KARS1: variants seen among roughly 807,000 people sequenced by gnomAD.
KARS1 encodes the protein lysyl-tRNA synthetase 1, also known as lysine--tRNA ligase.
KARS1 carries 50 observed loss-of-function variants against 63.9 expected under a neutral mutation model. That is an observed-to-expected ratio of 0.78 (90% confidence interval 0.62 to 0.99). The LOEUF (loss-of-function observed/expected upper bound fraction) is 0.99. Ranked by LOEUF, KARS1 falls within the 50% of genes least tolerant of loss-of-function variation. The pLI is 0.00. For missense variants in KARS1, 816 were observed against 754.5 expected (o/e 1.08, Z -0.95); for synonymous variants, 320 against 264.6 (o/e 1.21, Z -2.03).
At chr16:75,642,519 A>G (rs1283491935) in intron 1 of KARS1, among the ~76,000 whole-genome samples, 1 of 152,048 alleles carries the variant, frequency 6.6e-6, no homozygotes, top group Non-Finnish European at 1.5e-5. Flanking sequence ...GATCTAATAC[A>G]TGATAAGGCA....
chr16:75,643,588 C>T (rs889863009), intron 1 of KARS1, among the ~76,000 whole-genome samples: 3 of 152,214 alleles, frequency 2.0e-5, no homozygotes, highest in Admixed American at 2.0e-4. Flanking sequence ...ACCGTGTTAG[C>T]CAGGATGGTC....
At chr16:75,630,310 TCAA>T (rs2082097583) in intron 11 of KARS1, 110 bp downstream of exon 11, 3 of 729,660 alleles carry the variant, frequency 4.1e-6, no homozygotes, top group Admixed American at 2.0e-5. Context: ...GTTACCCTGG[TCAA>T]CACCACCCAG....
intron 3 of KARS1, among the ~76,000 whole-genome samples, chr16:75,638,884 T>C (rs1007800725): frequency 6.6e-6 from 1 of 152,152 alleles, no homozygotes; most frequent in African/African-American, 2.4e-5. Flanking sequence ...ATAAAAAAGA[T>C]CTGCTGGGAG....
At chr16:75,642,492 T>A (rs192798806) in intron 1 of KARS1, among the ~76,000 whole-genome samples, 1 of 152,162 alleles carries the variant, frequency 6.6e-6, no homozygotes, top group East Asian at 1.9e-4. Context: ...GTGAGCCACC[T>A]GACCCCTCCA....
rs370077957 is a variant in KARS1 at position 75,640,354 on chromosome 16, T to TAA, written c.223-7_223-6dup. The TAA allele has an allele frequency of 1.6e-3, 2,408 of 1,532,738 alleles. 1 individual carries two copies. The highest frequency in any genetic ancestry group is 0.01 in the East Asian group (434 of 41,914). The allele number at this position is 1,532,738 out of a possible 1,614,324, so 94.9% of individuals were successfully genotyped here. A position where few individuals can be genotyped will look rare whatever the true frequency, so the allele number is the denominator to read the frequency against. ...ACTGCGGATTTTGTAGTATTGCTGT[T>TAA]AAAAAAAAAAAAAAAAAAGCCCTTC... On this transcript the variant is annotated splice_polypyrimidine_tract_variant and splice_region_variant and intron_variant, in intron 2 of 13. Coordinates refer to ENST00000302445, the MANE Select transcript of KARS1 (RefSeq NM_005548.3).
chr16:75,644,596 A>T lies in KARS1; in HGVS notation c.63-2873T>A, dbSNP rs1019984727. On this transcript the variant is annotated intron_variant, in intron 1 of 13. Coordinates refer to ENST00000302445, the MANE Select transcript of KARS1 (RefSeq NM_005548.3). ...GTCCCATTTAACTTAAGACTGTCTT[A>T]ACTGATAGCAACCCTGTAACACTCT... is the stretch of plus-strand genomic sequence containing the variant. The T allele has an allele frequency of 1.1e-5, 6 of 552,774 alleles. No individual in the cohort carries two copies. The African/African-American group carries it at 1.1e-4, about 10-fold the overall frequency. 34.2% of individuals were successfully genotyped at this position (552,774 alleles called of 1,614,324 possible).
intron 1 of KARS1, among the ~76,000 whole-genome samples, chr16:75,645,394 C>A (rs2082269649): frequency 6.6e-6 from 1 of 152,154 alleles, no homozygotes; most frequent in African/African-American, 2.4e-5. Flanking sequence ...TTTAATAGTG[C>A]ATTTAATTAC....
intron 1 of KARS1, among the ~76,000 whole-genome samples, chr16:75,647,144 TAGTG>T (rs2082295915): frequency 6.6e-6 from 1 of 152,190 alleles, no homozygotes; most frequent in Admixed American, 6.5e-5. Context: ...AGAATGACCT[TAGTG>T]AGGCCCAGAA....
chr16:75,629,234 T>C (rs528366722), intron 12 of KARS1, among the ~76,000 whole-genome samples, 181 bp downstream of exon 12: 2 of 152,364 alleles, frequency 1.3e-5, no homozygotes, highest in South Asian at 2.1e-4. Context: ...GTTCCTCTTA[T>C]GTACGACAGA....
intron 1 of KARS1, among the ~76,000 whole-genome samples, chr16:75,645,410 C>G (rs1461540779): frequency 6.6e-6 from 1 of 152,116 alleles, no homozygotes; most frequent in African/African-American, 2.4e-5. Context: ...ATTACTAGGA[C>G]CTCAGTTTAT....
At chr16:75,631,346 G>T in intron 9 of KARS1, 70 bp downstream of exon 9, 1 of 1,586,418 alleles carries the variant, frequency 6.3e-7, no homozygotes, top group Non-Finnish European at 8.7e-7. Flanking sequence ...TTCTAGCTCT[G>T]ACCCAATCAA....
At chr16:75,640,099 A>G in intron 3 of KARS1, 85 bp downstream of exon 3, 1 of 1,178,032 alleles carries the variant, frequency 8.5e-7, no homozygotes, top group Non-Finnish European at 1.3e-6. Context: ...TGAGAACAAG[A>G]CCAACCCAGA....
At chr16:75,631,312 AC>A in intron 9 of KARS1, 59 bp from the exon 10 acceptor site, 1 of 1,580,956 alleles carries the variant, frequency 6.3e-7, no homozygotes, top group Non-Finnish European at 8.7e-7. Context: ...GTAAAAATGT[AC>A]ATAAAGAGAA....
intron 6 of KARS1, among the ~76,000 whole-genome samples, chr16:75,634,615 G>T (rs1006220173): frequency 6.6e-6 from 1 of 152,104 alleles, no homozygotes; most frequent in African/African-American, 2.4e-5. Flanking sequence ...TTGCTCTGTT[G>T]CCCAGGCTGG....
At chr16:75,637,243 C>T (rs1464311936) in intron 3 of KARS1, among the ~76,000 whole-genome samples, 2 of 151,992 alleles carry the variant, frequency 1.3e-5, no homozygotes, top group African/African-American at 4.8e-5. Flanking sequence ...GAAGACGTTG[C>T]CAAGGACCCC....
chr16:75,632,599 A>G (rs1250124618), intron 7 of KARS1, among the ~76,000 whole-genome samples: 1 of 152,218 alleles, frequency 6.6e-6, no homozygotes, highest in Non-Finnish European at 1.5e-5. Flanking sequence ...CCTAGCGGCA[A>G]TGACTTGTGC....
chr16:75,635,569 T>C (rs2082152238), intron 6 of KARS1, 111 bp downstream of exon 6: 2 of 1,209,742 alleles, frequency 1.7e-6, no homozygotes, highest in South Asian at 1.2e-5. Context: ...ACATTCTCAT[T>C]AGGCATGAAG....
intron 11 of KARS1, among the ~76,000 whole-genome samples, chr16:75,629,751 C>T (rs2082091298): frequency 1.3e-5 from 2 of 152,214 alleles, no homozygotes; most frequent in Non-Finnish European, 2.9e-5. Context: ...GCCCATGCCA[C>T]TATGCCTGGC....
At chr16:75,640,427 G>C in intron 2 of KARS1, 78 bp from the exon 3 acceptor site, 1 of 1,380,790 alleles carries the variant, frequency 7.2e-7, no homozygotes, top group Non-Finnish European at 1.0e-6. Context: ...GCAGAGGGCA[G>C]TATTCTGCCC....
Sources: allele counts gnomAD v4.1 joint callset (sites outside exome capture counted in the v4.1 genomes callset), GRCh38; gene constraint gnomAD v4.1.1; transcripts MANE v1.5; gene names NCBI Gene and HGNC (gene_info 2026-07-23, HGNC 2026-07-21).